FAM83B: variants seen among roughly 807,000 people sequenced by gnomAD.
The protein encoded by FAM83B is protein FAM83B.
FAM83B carries 26 observed loss-of-function variants against 38.8 expected under a neutral mutation model. That is an observed-to-expected ratio of 0.67 (90% CI 0.49 to 0.93). The LOEUF is 0.93. Ranked by LOEUF, FAM83B falls within the 40% of genes least tolerant of loss-of-function variation. FAM83B has a pLI of 0.00. For synonymous variants in FAM83B, 419 were observed against 423.1 expected, an observed-to-expected ratio of 0.99 and a Z score of 0.12; for missense variants, 1,237 against 1,197.3, an observed-to-expected ratio of 1.03 and a Z score of -0.49.
At chr6:54,938,560 C>T (rs1345746734) in intron 4 of FAM83B, among the ~76,000 whole-genome samples, 3 of 152,104 alleles carry the variant, frequency 2.0e-5, no homozygotes, top group African/African-American at 7.2e-5. Context: ...TATGGCCATA[C>T]TTGCTGGAGT....
At chr6:54,851,035 A>G (rs909236918) in intron 1 of FAM83B, among the ~76,000 whole-genome samples, 1 of 150,944 alleles carries the variant, frequency 6.6e-6, no homozygotes, top group African/African-American at 2.5e-5. Context: ...AAAAAAAAAA[A>G]AAAGTGCTGT....
At chr6:54,887,345 C>G (rs1772302933) in intron 2 of FAM83B, among the ~76,000 whole-genome samples, 1 of 152,176 alleles carries the variant, frequency 6.6e-6, no homozygotes, top group Non-Finnish European at 1.5e-5. Flanking sequence ...AATGCTGTTT[C>G]TGCAGGATTG....
At chr6:54,939,322 T>C (rs1773599818) in intron 4 of FAM83B, among the ~76,000 whole-genome samples, 3 of 152,152 alleles carry the variant, frequency 2.0e-5, no homozygotes. Context: ...TCTTTTTGCT[T>C]GGTTTTGCTT....
chr6:54,899,661 G>A (rs913124459), intron 2 of FAM83B, among the ~76,000 whole-genome samples: 6 of 152,064 alleles, frequency 3.9e-5, no homozygotes, highest in Admixed American at 3.3e-4. Context: ...GAGAAGGGGC[G>A]GGGAGCTCTC....
chr6:54,905,140 G>C (rs2127583030), intron 2 of FAM83B, among the ~76,000 whole-genome samples: 2 of 152,126 alleles, frequency 1.3e-5, no homozygotes, highest in East Asian at 3.9e-4. Context: ...AAAGAACCTG[G>C]GGTCAGCAGG....
intron 4 of FAM83B, among the ~76,000 whole-genome samples, chr6:54,932,530 C>A (rs1773446529): frequency 6.6e-6 from 1 of 152,098 alleles, no homozygotes. Context: ...TAGTACAGGT[C>A]ACTTCATTTG....
At chr6:54,933,322 G>A (rs1198776883) in intron 4 of FAM83B, among the ~76,000 whole-genome samples, 7 of 151,226 alleles carry the variant, frequency 4.6e-5, no homozygotes, top group Admixed American at 2.0e-4. Context: ...TATCTTTGTT[G>A]ATATTCTCAT....
Position 54,942,261 on chromosome 6 carries a change from A to C in FAM83B, c.*254A>C, listed in dbSNP as rs1773722410. Among the ~76,000 whole-genome samples the C allele has an allele frequency of 1.3e-5, 2 of 152,216 alleles. No individual in the cohort carries two copies. Among genetic ancestry groups the C allele is most frequent in the African/African-American group, 4.8e-5 (2 of 41,464 alleles). The stretch of plus-strand genomic sequence containing the variant: ...TAGATGTATTTAAATCATTTTCTTT[A>C]GACTGAAGATTTTAAGTCTCACTTA... On this transcript the variant is annotated 3_prime_UTR_variant, in exon 5 of 5. Coordinates refer to ENST00000306858, the MANE Select transcript of FAM83B (RefSeq NM_001010872.3).
In FAM83B at chr6:54,870,053, A is replaced by G. The variant is rs80013832; in HGVS notation, c.-60-134A>G. On this transcript the variant is annotated intron_variant, in intron 1 of 4. Coordinates refer to ENST00000306858, the MANE Select transcript of FAM83B (RefSeq NM_001010872.3). ...TGTGGTGCTATTAATGTCATTTTGG[A>G]TATGAAATATGTGTCATTTTGAGCT... 2.8e-5 allele frequency: 15 copies of G among 543,636 alleles called. No individual in the cohort carries two copies. In the African/African-American group the frequency reaches 2.8e-4, roughly 10 times the overall value. 33.7% of individuals were successfully genotyped at this position (543,636 alleles called of 1,614,324 possible).
At chr6:54,885,019 G>C (rs1045059671) in intron 2 of FAM83B, among the ~76,000 whole-genome samples, 26 of 151,986 alleles carry the variant, frequency 1.7e-4, no homozygotes, top group Admixed American at 1.7e-3. Flanking sequence ...TGATCTGCCC[G>C]CCTCGGCCTC....
intron 2 of FAM83B, among the ~76,000 whole-genome samples, chr6:54,871,928 G>A (rs1333057702): frequency 6.6e-6 from 1 of 151,932 alleles, no homozygotes; most frequent in Non-Finnish European, 1.5e-5. Flanking sequence ...GCTTGCAAGA[G>A]TATGCTTTTA....
intron 1 of FAM83B, among the ~76,000 whole-genome samples, chr6:54,868,206 C>T (rs758616313): frequency 6.6e-6 from 1 of 152,098 alleles, no homozygotes; most frequent in Admixed American, 6.6e-5. Flanking sequence ...GATTTGTCAA[C>T]CTTGGCACTG....
chr6:54,872,745 G>A (rs148706688), intron 2 of FAM83B, among the ~76,000 whole-genome samples: 164 of 152,248 alleles, frequency 1.1e-3, no homozygotes, highest in Non-Finnish European at 1.9e-3. Context: ...GTCACTGTCC[G>A]TTGAGGACTC....
chr6:54,892,705 G>A (rs1267413163), intron 2 of FAM83B, among the ~76,000 whole-genome samples: 1 of 148,280 alleles, frequency 6.7e-6, no homozygotes. Context: ...TATATATATT[G>A]TATATATTGT....
At chr6:54,861,797 G>A (rs1399891379) in intron 1 of FAM83B, among the ~76,000 whole-genome samples, 1 of 152,130 alleles carries the variant, frequency 6.6e-6, no homozygotes, top group Non-Finnish European at 1.5e-5. Flanking sequence ...TCTGCAACCG[G>A]TTACAGGGAA....
At position 54,940,711 on chromosome 6, in the gene FAM83B, C is replaced by G; in HGVS notation, c.1740C>G (p.Val580=). Residue 580 remains valine (V), a synonymous_variant, in exon 5 of 5, where the codon GTC becomes GTG. Transcript: ENST00000306858. Reference sequence around the variant, plus strand: ...AGGGAAGTGAGACACCTAAAGAGGTCCCAGACACCCCTACGAATGTACAGC... The same window carrying G: ...AGGGAAGTGAGACACCTAAAGAGGTGCCAGACACCCCTACGAATGTACAGC... ...GSQGSETPKE[V]PDTPTNVQHL... is the part of the protein sequence containing the mutation. 2 of 1,613,946 alleles carry G rather than the reference C, an allele frequency of 1.2e-6. No individual in the cohort carries two copies. The highest frequency in any genetic ancestry group is 1.7e-6 in the Non-Finnish European group (2 of 1,179,986).
chr6:54,873,926 A>G (rs1197416733), intron 2 of FAM83B, among the ~76,000 whole-genome samples: 1 of 152,092 alleles, frequency 6.6e-6, no homozygotes, highest in Non-Finnish European at 1.5e-5. Context: ...AATGAAAATA[A>G]TATAAAAGTT....
chr6:54,863,149 A>G (rs1166221216), intron 1 of FAM83B, among the ~76,000 whole-genome samples: 1 of 152,130 alleles, frequency 6.6e-6, no homozygotes. Context: ...AGTCTCAGAA[A>G]TCCAAGTTGT....
In FAM83B at chr6:54,878,408, A is replaced by G. The variant is rs143919154; in HGVS notation, c.444+7718A>G. 2.5e-3 allele frequency among the ~76,000 whole-genome samples: 381 copies of G among 152,288 alleles called. 2 individuals are homozygous for G. Among genetic ancestry groups the G allele is most frequent in the African/African-American group, 8.7e-3 (362 of 41,574 alleles). On this transcript the variant is annotated intron_variant, in intron 2 of 4. Coordinates refer to ENST00000306858, the MANE Select transcript of FAM83B (RefSeq NM_001010872.3). ...TAGCAGGAAGAAGCAAAACACAAAT[A>G]TGGTTGAGTAAAGGGAGCTGAGAGT...
Sources: allele counts gnomAD v4.1 joint callset (sites outside exome capture counted in the v4.1 genomes callset), GRCh38; gene constraint gnomAD v4.1.1; transcripts MANE v1.5; gene names NCBI Gene and HGNC (gene_info 2026-07-23, HGNC 2026-07-21).